Variants in KATNIP observed in about 807,000 individuals in gnomAD.
KATNIP encodes the protein katanin-interacting protein.
KATNIP carries 126 observed loss-of-function variants against 174.0 expected under a neutral mutation model. That is an observed-to-expected ratio of 0.72 (90% CI 0.63 to 0.84). The LOEUF is 0.84. Ranked by LOEUF, KATNIP falls within the 40% of genes least tolerant of loss-of-function variation. The pLI is 0.00. For missense variants in KATNIP, 1,958 were observed against 2,109.7 expected (o/e 0.93, Z 1.41); for synonymous variants, 810 against 835.7 (o/e 0.97, Z 0.53).
intron 2 of KATNIP, among the ~76,000 whole-genome samples, chr16:27,613,874 G>A (rs968561717): frequency 6.6e-6 from 1 of 152,144 alleles, no homozygotes; most frequent in Non-Finnish European, 1.5e-5. Context: ...GCCTCTGTAG[G>A]CACCTCCAGA....
At chr16:27,625,310 G>T (rs924828748) in intron 3 of KATNIP, among the ~76,000 whole-genome samples, 1 of 152,178 alleles carries the variant, frequency 6.6e-6, no homozygotes, top group African/African-American at 2.4e-5. Context: ...CTCAGATCCT[G>T]GATAGCTGGA....
intron 3 of KATNIP, among the ~76,000 whole-genome samples, chr16:27,618,842 T>C (rs187598909): frequency 1.3e-5 from 2 of 152,340 alleles, no homozygotes; most frequent in East Asian, 3.9e-4. Context: ...TTGTGCAGGC[T>C]TTGACAGTCC....
intron 15 of KATNIP, among the ~76,000 whole-genome samples, chr16:27,745,956 G>GC (rs1256956655): frequency 1.5e-5 from 2 of 137,482 alleles, no homozygotes; most frequent in African/African-American, 2.7e-5. Flanking sequence ...CAACTCCTCT[G>GC]CTTTTTTTTT....
At chr16:27,659,376 A>C (rs2077395169) in intron 6 of KATNIP, among the ~76,000 whole-genome samples, 1 of 151,920 alleles carries the variant, frequency 6.6e-6, no homozygotes, top group Non-Finnish European at 1.5e-5. Context: ...TGGGCATGCT[A>C]ATCTGCACCT....
At chr16:27,774,898 C>T (rs769706582) in intron 23 of KATNIP, 47 bp from the exon 24 acceptor site, 1 of 1,611,430 alleles carries the variant, frequency 6.2e-7, no homozygotes, top group Admixed American at 1.7e-5. Context: ...TGGCTGGCAG[C>T]CCCGAGCACA....
rs1396728100 is a variant in KATNIP, at chr16:27,778,731, G to T, written c.*102G>T. ...ACCCTCAGTCCCAGGAGCTGGAAGCGAACCACAGTGTTGAGGGGAGCCCGC... is the reference window on the plus strand; with the variant it reads ...ACCCTCAGTCCCAGGAGCTGGAAGCTAACCACAGTGTTGAGGGGAGCCCGC... On this transcript the variant is annotated 3_prime_UTR_variant, in exon 28 of 28. Transcript: ENST00000261588. The T allele has an allele frequency of 2.0e-5, 25 of 1,223,488 alleles. No individual in the cohort carries two copies. Among genetic ancestry groups the T allele is most frequent in the South Asian group, 7.0e-5 (5 of 71,764 alleles). The allele number at this position is 1,223,488 out of a possible 1,614,324, so 75.8% of individuals were successfully genotyped here. A position where few individuals can be genotyped will look rare whatever the true frequency, so the allele number is the denominator to read the frequency against.
chr16:27,775,766 T>C (rs553872961), intron 24 of KATNIP, among the ~76,000 whole-genome samples: 113 of 152,280 alleles, frequency 7.4e-4, no homozygotes, highest in East Asian at 2.3e-3. Flanking sequence ...TTGGCAGCCA[T>C]ATGACTAGGG....
chr16:27,753,733 C>T (rs2081605246), intron 17 of KATNIP, among the ~76,000 whole-genome samples: 1 of 140,924 alleles, frequency 7.1e-6, no homozygotes, highest in Non-Finnish European at 1.6e-5. Context: ...TTCCTTCCTT[C>T]CCTCCCTCCC....
At chr16:27,746,259 G>A (rs989503294) in intron 15 of KATNIP, among the ~76,000 whole-genome samples, 2 of 152,136 alleles carry the variant, frequency 1.3e-5, no homozygotes, top group South Asian at 2.1e-4. Context: ...CGTGACATTC[G>A]GTGCTGTCTC....
At chr16:27,713,824 A>G (rs867262227) in intron 13 of KATNIP, among the ~76,000 whole-genome samples, 37 of 43,966 alleles carry the variant, frequency 8.4e-4, no homozygotes, top group African/African-American at 2.5e-3. Flanking sequence ...ATATATATAT[A>G]TATATATATA....
At position 27,740,274 on chromosome 16, in the gene KATNIP, C is replaced by G; in HGVS notation, c.1977C>G (p.Cys659Trp). ...GGGACAAGGAGCTTGGTCTCGGTTG[C>G]TCACCGCCAGCTGAAACATTAGCGG... ...ASGDKELGLG[C>W]SPPAETLADA... The change falls in exon 15 of 28, where the codon TGC (cysteine) becomes TGG (tryptophan). Residue 659 changes from cysteine to tryptophan, a missense_variant. By Grantham distance (215) the Cys-to-Trp change is radical. Around this residue, in one of 3 missense-constraint regions of KATNIP, gnomAD observed 1,557 missense variants for 1,617.8 expected, o/e 0.96. Transcript: ENST00000261588. 1 of 1,614,250 alleles carries G rather than the reference C, an allele frequency of 6.2e-7. No individual in the cohort carries two copies. The highest frequency in any genetic ancestry group is 8.5e-7 in the Non-Finnish European group (1 of 1,180,044).
rs191072113 is a variant in KATNIP, at chr16:27,639,522, T to C, written c.408+8360T>C. ...AACGTCATCGGCTCTTAGCATTAAATTGCTAGTGAAGGGATTGGCCTTCCA... is the reference window on the plus strand; with the variant it reads ...AACGTCATCGGCTCTTAGCATTAAACTGCTAGTGAAGGGATTGGCCTTCCA... On this transcript the variant is annotated intron_variant, in intron 5 of 27. Coordinates refer to ENST00000261588, the MANE Select transcript of KATNIP (RefSeq NM_015202.5). Among the ~76,000 whole-genome samples the C allele has an allele frequency of 5.0e-4, 76 of 152,310 alleles. 1 individual carries two copies. Among genetic ancestry groups the C allele is most frequent in the African/African-American group, 1.8e-3 (74 of 41,576 alleles).
Position 27,778,765 on chromosome 16 carries a change from G to A in KATNIP, c.*136G>A. On this transcript the variant is annotated 3_prime_UTR_variant, in exon 28 of 28. Coordinates refer to ENST00000261588, the MANE Select transcript of KATNIP (RefSeq NM_015202.5). ...TGTTGAGGGGAGCCCGCTGGGAAGA[G>A]GGGACTCGGGAGGACAGCCCTGGAT... 1 of 777,746 alleles carries A rather than the reference G, an allele frequency of 1.3e-6. No homozygotes were observed. Among genetic ancestry groups the A allele is most frequent in the East Asian group, 2.7e-5 (1 of 37,004 alleles). The allele number at this position is 777,746 out of a possible 1,614,324, so 48.2% of individuals were successfully genotyped here. A position where few individuals can be genotyped will look rare whatever the true frequency, so the allele number is the denominator to read the frequency against.
intron 2 of KATNIP, among the ~76,000 whole-genome samples, chr16:27,609,455 ATCTC>A (rs1249736946): frequency 3.6e-4 from 45 of 124,152 alleles, no homozygotes; most frequent in African/African-American, 1.3e-3. Flanking sequence ...CAGTGGCGCG[ATCTC>A]AGCTCACTGC....
chr16:27,749,915 G>C lies in KATNIP; in HGVS notation c.2955G>C (p.Trp985Cys). 6.2e-7 allele frequency: 1 copy of C among 1,614,172 alleles called. No homozygotes were observed. Among genetic ancestry groups the C allele is most frequent in the Non-Finnish European group, 8.5e-7 (1 of 1,180,026 alleles). The change falls in exon 16 of 28, where the codon TGG becomes TGC. Residue 985 changes from tryptophan to cysteine, a missense_variant. Transcript: ENST00000261588. ...TGGTCATTGACATCAAGTCTACCTGGGGGGACAGACACTATGTCGGCCTCA... is the reference window on the plus strand; with the variant it reads ...TGGTCATTGACATCAAGTCTACCTGCGGGGACAGACACTATGTCGGCCTCA... ...QRLVIDIKST[W>C]GDRHYVGLNG...
At chr16:27,684,550 G>A (rs770044588) in intron 8 of KATNIP, among the ~76,000 whole-genome samples, 6 of 152,088 alleles carry the variant, frequency 3.9e-5, no homozygotes, top group Non-Finnish European at 8.8e-5. Context: ...AAATCATCTG[G>A]CATAGTGCAT....
At chr16:27,608,980 C>T (rs1252830856) in intron 2 of KATNIP, among the ~76,000 whole-genome samples, 7 of 152,192 alleles carry the variant, frequency 4.6e-5, no homozygotes, top group Non-Finnish European at 1.0e-4. Flanking sequence ...TTTCAGGCAT[C>T]CTCTGGCCCG....
intron 14 of KATNIP, among the ~76,000 whole-genome samples, chr16:27,737,540 G>A (rs956550533): frequency 1.3e-5 from 2 of 152,146 alleles, no homozygotes; most frequent in Middle Eastern, 6.3e-3. Context: ...GAGACCACCT[G>A]GAGAGCAAGG....
chr16:27,698,309 C>G lies in KATNIP; in HGVS notation c.941-19C>G. On this transcript the variant is annotated intron_variant, in intron 8 of 27. Coordinates refer to ENST00000261588, the MANE Select transcript of KATNIP (RefSeq NM_015202.5). ...GAGAATATAATCTAAAAGAACGTCC[C>G]CCTGTCTTCTGCCCTCAGGACCTGG... is the stretch of plus-strand genomic sequence containing the variant. 6.3e-7 allele frequency: 1 copy of G among 1,596,296 alleles called. No individual in the cohort carries two copies. Among genetic ancestry groups the G allele is most frequent in the Non-Finnish European group, 8.6e-7 (1 of 1,168,812 alleles).
Sources: allele counts gnomAD v4.1 joint callset (sites outside exome capture counted in the v4.1 genomes callset), GRCh38; gene constraint gnomAD v4.1.1; regional missense constraint gnomAD v4.1.1; transcripts MANE v1.5; gene names NCBI Gene and HGNC (gene_info 2026-07-23, HGNC 2026-07-21).